Variants in ADGRL2 observed in about 807,000 individuals in gnomAD.
The protein encoded by ADGRL2 is adhesion G protein-coupled receptor L2, also known as calcium-independent alpha-latrotoxin receptor 2.
In ADGRL2, 44 loss-of-function variants were observed where a neutral mutation model predicts 157.4. That is an observed-to-expected ratio of 0.28 (90% CI 0.22 to 0.36). The LOEUF is 0.36. Among genes scored for constraint, ADGRL2 ranks in the 10% least tolerant of loss-of-function variants. The pLI, the probability that ADGRL2 is intolerant of heterozygous loss-of-function variation, is 1.00. For synonymous variants in ADGRL2, 585 were observed against 624.7 expected, an observed-to-expected ratio of 0.94 and a Z score of 0.95; for missense variants, 1,510 against 1,768.9, an observed-to-expected ratio of 0.85 and a Z score of 2.63.
intron 2 of ADGRL2, among the ~76,000 whole-genome samples, chr1:81,570,015 T>C (rs997854659): frequency 1.3e-5 from 2 of 152,114 alleles, no homozygotes; most frequent in Non-Finnish European, 2.9e-5. Context: ...AAGAGCTGCT[T>C]GAGTGTCCTC....
At chr1:81,475,344 T>C (rs2078251116) in intron 2 of ADGRL2, among the ~76,000 whole-genome samples, 1 of 152,156 alleles carries the variant, frequency 6.6e-6, no homozygotes, top group Non-Finnish European at 1.5e-5. Flanking sequence ...ATCTCAGTTT[T>C]TATTACTATT....
At chr1:81,696,028 C>T (rs1329677790), upstream of ADGRL2, among the ~76,000 whole-genome samples, 1 of 152,036 alleles carries the variant, frequency 6.6e-6, no homozygotes, top group Non-Finnish European at 1.5e-5. Flanking sequence ...GTGCTGCTTA[C>T]CAGACCACAC....
chr1:81,806,354 T>G (rs2089148621), intron 1 of ADGRL2, among the ~76,000 whole-genome samples: 1 of 152,046 alleles, frequency 6.6e-6, no homozygotes, highest in Non-Finnish European at 1.5e-5. Flanking sequence ...CTGCTGCAAT[T>G]TTCACAATCA....
intron 2 of ADGRL2, 48 bp from the exon 3 acceptor site, chr1:81,906,968 TA>T (rs2094596302): frequency 2.1e-6 from 3 of 1,411,172 alleles, no homozygotes; most frequent in South Asian, 2.4e-5. Flanking sequence ...TAAAATAATT[TA>T]TCTTATAAAT....
chr1:81,389,774 G>A (rs1228055842), intron 1 of ADGRL2, among the ~76,000 whole-genome samples: 1 of 152,182 alleles, frequency 6.6e-6, no homozygotes, highest in East Asian at 1.9e-4. Flanking sequence ...GGAGTGGTCA[G>A]AGAGATGAGC....
At chr1:81,588,465 T>C (rs1273875248) in intron 3 of ADGRL2, 1 of 152,070 alleles carries the variant, frequency 6.6e-6, no homozygotes, top group Non-Finnish European at 1.5e-5. Context: ...TAAAGATGAG[T>C]AAATCAAACT....
intron 3 of ADGRL2, among the ~76,000 whole-genome samples, chr1:81,656,716 A>G (rs2082541136): frequency 6.6e-6 from 1 of 152,140 alleles, no homozygotes; most frequent in Non-Finnish European, 1.5e-5. Context: ...ATATGATTTT[A>G]AAAATAATCA....
chr1:81,977,600 C>A (rs577962714), intron 17 of ADGRL2, among the ~76,000 whole-genome samples: 1 of 151,732 alleles, frequency 6.6e-6, no homozygotes, highest in Non-Finnish European at 1.5e-5. Context: ...CAATATAATA[C>A]TTTATATGTT....
At chr1:81,548,074 CAGTCTAAAATAGT>C in intron 2 of ADGRL2, among the ~76,000 whole-genome samples, 1 of 152,262 alleles carries the variant, frequency 6.6e-6, no homozygotes, top group East Asian at 1.9e-4. Flanking sequence ...TTACCCACTG[CAGTCTAAAATAGT>C]GTTTCTCAGT....
At chr1:81,464,912 A>G (rs1486183384) in intron 2 of ADGRL2, among the ~76,000 whole-genome samples, 3 of 146,744 alleles carry the variant, frequency 2.0e-5, no homozygotes, top group Non-Finnish European at 1.5e-5. Flanking sequence ...TCTTCAGAGA[A>G]TGACAAATAG....
intron 3 of ADGRL2, among the ~76,000 whole-genome samples, chr1:81,692,502 T>A (rs1372783502): frequency 3.3e-5 from 5 of 152,102 alleles, no homozygotes; most frequent in Non-Finnish European, 7.4e-5. Context: ...CTTTTTTGAA[T>A]TACTGTTAGA....
intron 5 of ADGRL2, 61 bp downstream of exon 5, chr1:81,942,106 C>T (rs766663984): frequency 7.5e-5 from 50 of 664,412 alleles, no homozygotes; most frequent in Non-Finnish European, 1.1e-4. Context: ...TGTTAACCTC[C>T]TCCCTCCCCT....
rs2077533744 is a variant in ADGRL2, at chr1:81,442,882, T to C, written c.-301-2154T>C. On this transcript the variant is annotated intron_variant, in intron 1 of 24. Transcript: ENST00000370721. ...TGGATAGCAAAGGCTATCCCTTGCA[T>C]TCACAAGGTAGTTTTTCACCCTGTT... Among the ~76,000 whole-genome samples the C allele has an allele frequency of 2.6e-5, 4 of 152,206 alleles. No individual in the cohort carries two copies. The South Asian group carries it at 8.3e-4, about 31-fold the overall frequency.
intron 3 of ADGRL2, among the ~76,000 whole-genome samples, chr1:81,658,738 G>A (rs2082588398): frequency 6.6e-6 from 1 of 151,974 alleles, no homozygotes; most frequent in Non-Finnish European, 1.5e-5. Flanking sequence ...TAGCTCTATT[G>A]AATGCCTGCT....
At chr1:81,519,619 T>C (rs2079264268) in intron 2 of ADGRL2, among the ~76,000 whole-genome samples, 1 of 152,254 alleles carries the variant, frequency 6.6e-6, no homozygotes, top group Non-Finnish European at 1.5e-5. Context: ...AACTATTGTA[T>C]ATTGAGCATC....
chr1:81,382,103 C>T (rs1390390378), intron 1 of ADGRL2, among the ~76,000 whole-genome samples: 1 of 152,076 alleles, frequency 6.6e-6, no homozygotes, highest in East Asian at 1.9e-4. Flanking sequence ...TTCTGTGCTT[C>T]GAGGTTCCAA....
At chr1:81,319,919 T>C (rs376149120) in intron 1 of ADGRL2, among the ~76,000 whole-genome samples, 1 of 152,232 alleles carries the variant, frequency 6.6e-6, no homozygotes, top group African/African-American at 2.4e-5. Context: ...CAATGAAGTT[T>C]GTTGCATTGA....
intron 1 of ADGRL2, among the ~76,000 whole-genome samples, chr1:81,420,801 A>T (rs1480680489): frequency 6.6e-6 from 1 of 152,146 alleles, no homozygotes; most frequent in Non-Finnish European, 1.5e-5. Flanking sequence ...GTTCAATATT[A>T]TTCCCTCCCT....
intron 3 of ADGRL2, among the ~76,000 whole-genome samples, chr1:81,678,567 G>GA (rs1410719802): frequency 1.3e-5 from 2 of 152,072 alleles, no homozygotes; most frequent in African/African-American, 4.8e-5. Context: ...GTTATTCCTG[G>GA]AAAATACACA....
Sources: gnomAD v4.1 joint callset for allele counts (sites outside exome capture counted in the v4.1 genomes callset) on GRCh38, gnomAD v4.1.1 for gene constraint, MANE v1.5 for transcripts, NCBI Gene and HGNC (gene_info 2026-07-23, HGNC 2026-07-21) for gene names.